The following LIMA1 variants were observed in gnomAD, a reference collection of about 807,000 sequenced individuals.
LIMA1 encodes LIM domain and actin binding 1.
Under a neutral mutation model 62.6 loss-of-function variants are expected in LIMA1, and 52 were observed. That is an observed-to-expected ratio of 0.83 (90% CI 0.67 to 1.05). The LOEUF is 1.05. Ranked by LOEUF, LIMA1 falls within the 50% of genes least tolerant of loss-of-function variation. LIMA1 has a pLI of 0.00. For synonymous variants in LIMA1, 302 were observed against 317.8 expected (o/e 0.95, Z 0.53); for missense variants, 780 against 902.2 (o/e 0.86, Z 1.74).
chr12:50,177,880 A>G lies in LIMA1; in HGVS notation c.1464T>C (p.Pro488=), dbSNP rs1940390082. ...PAQLANARET[P]HSPGVEDAPI... Reference sequence around the variant, plus strand: ...GGGCATCTTCTACCCCTGGGCTGTGAGGGGTCTCCCTTGCATTTGCAAGCT... The same window carrying G: ...GGGCATCTTCTACCCCTGGGCTGTGGGGGGTCTCCCTTGCATTTGCAAGCT... The change falls in exon 11 of 11, where the codon CCT becomes CCC. Residue 488 remains proline (P), a synonymous_variant. Coordinates refer to ENST00000341247, the MANE Select transcript of LIMA1 (RefSeq NM_016357.5). 1 of 1,613,114 alleles carries G rather than the reference A, an allele frequency of 6.2e-7. No homozygotes were observed. Among genetic ancestry groups the G allele is most frequent in the Non-Finnish European group, 8.5e-7 (1 of 1,179,634 alleles).
intron 8 of LIMA1, among the ~76,000 whole-genome samples, chr12:50,193,671 T>TA (rs1940857750): frequency 8.0e-6 from 1 of 124,760 alleles, no homozygotes; most frequent in African/African-American, 3.2e-5. Flanking sequence ...TATATATTTT[T>TA]TTTTTTTTTT....
chr12:50,260,147 C>CTTTTTTTTTTTTT (rs869151267), intron 1 of LIMA1, among the ~76,000 whole-genome samples: 1 of 135,292 alleles, frequency 7.4e-6, no homozygotes, highest in African/African-American at 2.7e-5. Context: ...CCTAGAGTTT[C>CTTTTTTTTTTTTT]TTTTTTTTTT....
chr12:50,263,914 T>TAC (rs1181954884), intron 1 of LIMA1, among the ~76,000 whole-genome samples: 1 of 144,794 alleles, frequency 6.9e-6, no homozygotes, highest in East Asian at 2.0e-4. Context: ...TATATATATA[T>TAC]ATATACTCAA....
chr12:50,270,750 T>C (rs949455531), intron 1 of LIMA1, among the ~76,000 whole-genome samples: 1 of 152,146 alleles, frequency 6.6e-6, no homozygotes, highest in Admixed American at 6.6e-5. Flanking sequence ...TTTTACATAA[T>C]TGTGGTAATC....
intron 1 of LIMA1, among the ~76,000 whole-genome samples, chr12:50,261,674 A>AC (rs1555210734): frequency 6.6e-6 from 1 of 151,500 alleles, no homozygotes; most frequent in Non-Finnish European, 1.5e-5. Flanking sequence ...TCAGATGGTA[A>AC]TTTTTTTTCT....
intron 3 of LIMA1, among the ~76,000 whole-genome samples, chr12:50,223,144 T>C (rs1941475590): frequency 6.7e-6 from 1 of 149,722 alleles, no homozygotes; most frequent in Admixed American, 6.7e-5. Context: ...GAATTTAATC[T>C]TTTTTTTTTC....
intron 6 of LIMA1, chr12:50,204,284 G>C: frequency 3.0e-6 from 1 of 336,446 alleles, no homozygotes; most frequent in East Asian, 4.6e-5. Context: ...AGATTAAGTA[G>C]AAGAGCCAGG....
chr12:50,252,561 A>C (rs1941943774), intron 1 of LIMA1, among the ~76,000 whole-genome samples: 1 of 147,562 alleles, frequency 6.8e-6, no homozygotes, highest in Non-Finnish European at 1.5e-5. Flanking sequence ...AGCCTGGGTG[A>C]CAAGAGCGAA....
intron 9 of LIMA1, among the ~76,000 whole-genome samples, chr12:50,190,758 T>A (rs2138419410): frequency 7.1e-6 from 1 of 141,110 alleles, no homozygotes; most frequent in African/African-American, 2.6e-5. Flanking sequence ...AGTGGACACA[T>A]TCTTTCGTTA....
At chr12:50,240,688 C>T (rs898659178) in intron 2 of LIMA1, among the ~76,000 whole-genome samples, 2 of 152,080 alleles carry the variant, frequency 1.3e-5, no homozygotes, top group Middle Eastern at 3.2e-3. Context: ...ACTAAAACAT[C>T]CATTTGGTGG....
At chr12:50,186,829 A>T (rs1303801698) in intron 9 of LIMA1, 1 of 152,190 alleles carries the variant, frequency 6.6e-6, no homozygotes, top group Admixed American at 6.5e-5. Context: ...AGGTCTGCAT[A>T]GACCTGCTCA....
intron 2 of LIMA1, among the ~76,000 whole-genome samples, chr12:50,247,141 A>AT (rs565455698): frequency 1.3e-4 from 20 of 149,494 alleles, no homozygotes; most frequent in East Asian, 3.9e-4. Context: ...CTGTCTCAAC[A>AT]TTTTTTTTTT....
chr12:50,269,246 CTTAT>C lies in LIMA1; in HGVS notation c.-24+14170_-24+14173del, dbSNP rs372821455. Among the ~76,000 whole-genome samples, 237 of 152,256 alleles carry C rather than the reference CTTAT, an allele frequency of 1.6e-3. 2 individuals carry two copies. Among genetic ancestry groups the C allele is most frequent in the East Asian group, 0.011 (59 of 5,192 alleles). Reference sequence around the variant, plus strand: ...TGTCTTAATTGTTTTGCATATATAACTTATTTAATCTTCACAGTAACACACTCAG... The same window carrying C: ...TGTCTTAATTGTTTTGCATATATAACTTAATCTTCACAGTAACACACTCAG... On this transcript the variant is annotated intron_variant, in intron 1 of 10. Transcript: ENST00000341247.
chr12:50,177,716 C>A lies in LIMA1; in HGVS notation c.1628G>T (p.Ser543Ile). ...CATTTTGATCCCTTCCTCCAAGGCACTTCCTGAACTTCCAAGTTCAGTGGG... is the reference window on the plus strand; with the variant it reads ...CATTTTGATCCCTTCCTCCAAGGCAATTCCTGAACTTCCAAGTTCAGTGGG... ...PPPTELGSSG[S>I]ALEEGIKMSK... The change falls in exon 11 of 11, where the codon AGT becomes ATT. Residue 543 changes from serine (S) to isoleucine (I), a missense_variant. Coordinates refer to ENST00000341247, the MANE Select transcript of LIMA1 (RefSeq NM_016357.5). 3 of 1,613,164 alleles carry A rather than the reference C, an allele frequency of 1.9e-6. No individual in the cohort carries two copies. The highest frequency in any genetic ancestry group is 2.5e-6 in the Non-Finnish European group (3 of 1,179,716).
rs28524865 is a variant in LIMA1 at position 50,233,554 on chromosome 12, C to T, written c.120-1844G>A. Among the ~76,000 whole-genome samples, 301 of 152,244 alleles carry T rather than the reference C, an allele frequency of 2.0e-3. 1 individual carries two copies. Among genetic ancestry groups the T allele is most frequent in the African/African-American group, 6.5e-3 (272 of 41,554 alleles). Reference sequence around the variant, plus strand: ...TTTTGTTTTGTTTGAGACAGAGTTTCGCTCTTGTTGCCCAGGCTGGAGTGC... The same window carrying T: ...TTTTGTTTTGTTTGAGACAGAGTTTTGCTCTTGTTGCCCAGGCTGGAGTGC... On this transcript the variant is annotated intron_variant, in intron 2 of 10. Transcript: ENST00000341247.
chr12:50,221,212 G>C (rs1343421509), intron 4 of LIMA1, among the ~76,000 whole-genome samples: 2 of 152,116 alleles, frequency 1.3e-5, no homozygotes, highest in African/African-American at 2.4e-5. Context: ...CATCAGGTCT[G>C]TTTATTTCAT....
chr12:50,208,670 AAATAT>A (rs1460126759), intron 4 of LIMA1, among the ~76,000 whole-genome samples: 8 of 152,112 alleles, frequency 5.3e-5, no homozygotes, highest in Admixed American at 4.6e-4. Context: ...ATAAAAATAA[AAATAT>A]ATTATATACA....
chr12:50,221,637 C>T (rs1941442342), intron 4 of LIMA1, among the ~76,000 whole-genome samples: 1 of 152,334 alleles, frequency 6.6e-6, no homozygotes, highest in African/African-American at 2.4e-5. Context: ...CCGGCCTTAA[C>T]ACTCAGTCTG....
chr12:50,274,576 C>T (rs1320263052), intron 1 of LIMA1, among the ~76,000 whole-genome samples: 2 of 149,530 alleles, frequency 1.3e-5, no homozygotes, highest in Non-Finnish European at 3.0e-5. Context: ...AGTGAGGCTC[C>T]ATCTCAAAAA....
Sources: gnomAD v4.1 joint callset for allele counts (sites outside exome capture counted in the v4.1 genomes callset) on GRCh38, gnomAD v4.1.1 for gene constraint, MANE v1.5 for transcripts, NCBI Gene and HGNC (gene_info 2026-07-23, HGNC 2026-07-21) for gene names.